Variants in EXD3 observed in about 807,000 individuals in gnomAD.
The protein encoded by EXD3 is exonuclease 3'-5' domain containing 3.
Under a neutral mutation model 98.0 loss-of-function variants are expected in EXD3, and 92 were observed. The ratio of observed to expected loss-of-function variants is 0.94; its 90% confidence interval spans 0.79 to 1.12. The LOEUF is 1.12. EXD3 is among the 50% of genes most tolerant of loss of function. The pLI is 0.00. For synonymous variants in EXD3, 569 were observed against 526.0 expected (o/e 1.08, Z -1.12); for missense variants, 1,222 against 1,191.6 (o/e 1.03, Z -0.38).
At chr9:137,421,417 T>C (rs1372912934) in intron 1 of EXD3, among the ~76,000 whole-genome samples, 1 of 152,168 alleles carries the variant, frequency 6.6e-6, no homozygotes. Context: ...AATGGGGAAG[T>C]AGAGAAAAAT....
chr9:137,369,181 G>A (rs2131668487), intron 5 of EXD3, among the ~76,000 whole-genome samples: 1 of 148,728 alleles, frequency 6.7e-6, no homozygotes, highest in African/African-American at 2.5e-5. Flanking sequence ...GGGGCGCAGG[G>A]CCGGGGAGGG....
intron 8 of EXD3, among the ~76,000 whole-genome samples, chr9:137,355,498 A>ACCT (rs1564508308): frequency 1.1e-5 from 1 of 94,224 alleles, no homozygotes; most frequent in Non-Finnish European, 2.2e-5. Flanking sequence ...AGGATGGAGG[A>ACCT]AGGAGGAAGG....
intron 2 of EXD3, among the ~76,000 whole-genome samples, chr9:137,387,967 A>G (rs1170392283): frequency 6.6e-6 from 1 of 152,234 alleles, no homozygotes. Flanking sequence ...GCTGAGACAG[A>G]TGGCCCTGGC....
chr9:137,349,548 C>T lies in EXD3; in HGVS notation c.1495-17G>A. 1 of 1,557,092 alleles carries T rather than the reference C, an allele frequency of 6.4e-7. No homozygotes were observed. Among genetic ancestry groups the T allele is most frequent in the Non-Finnish European group, 8.7e-7 (1 of 1,152,166 alleles). On this transcript the variant is annotated splice_polypyrimidine_tract_variant and intron_variant, in intron 14 of 21. Transcript: ENST00000340951. The surrounding 1 kb of genome is among the most constrained non-coding windows in gnomAD (Gnocchi z 7.4). The stretch of plus-strand genomic sequence containing the variant: ...CACCCGCATCTGCTAAGACAGTGCC[C>T]TGCAGGGTAACGCGTCTGGCCCTGG...
intron 6 of EXD3, 129 bp from the exon 7 acceptor site, chr9:137,366,761 T>C: frequency 8.2e-7 from 1 of 1,216,564 alleles, no homozygotes; most frequent in Non-Finnish European, 1.1e-6. Context: ...GGCCCAGCAG[T>C]GCTCGCCCGG....
At chr9:137,355,434 ATGG>A (rs1834592096) in intron 8 of EXD3, among the ~76,000 whole-genome samples, 7 of 123,884 alleles carry the variant, frequency 5.7e-5, no homozygotes, top group African/African-American at 1.1e-4. Flanking sequence ...AGGAAGGAGG[ATGG>A]AGGAAGGGAG....
intron 8 of EXD3, among the ~76,000 whole-genome samples, chr9:137,355,469 G>GAAGGAGA (rs1564508090): frequency 4.3e-5 from 5 of 116,998 alleles, no homozygotes; most frequent in South Asian, 2.4e-4. Context: ...GAGAAAGGAG[G>GAAGGAGA]AAGGAGGAAG....
At chr9:137,370,820 G>T (rs1835553544) in intron 5 of EXD3, among the ~76,000 whole-genome samples, 1 of 142,550 alleles carries the variant, frequency 7.0e-6, no homozygotes, top group Non-Finnish European at 1.5e-5. Flanking sequence ...TTAAAGCAAA[G>T]CTATCTTTTT....
chr9:137,383,567 G>A (rs1165451876), intron 2 of EXD3, among the ~76,000 whole-genome samples, 190 bp from the exon 3 acceptor site: 1 of 152,166 alleles, frequency 6.6e-6, no homozygotes, highest in African/African-American at 2.4e-5. Context: ...CACCCACCCT[G>A]TTCCTTCCCT....
At chr9:137,417,223 C>T (rs975874693) in intron 1 of EXD3, among the ~76,000 whole-genome samples, 1 of 152,314 alleles carries the variant, frequency 6.6e-6, no homozygotes, top group Non-Finnish European at 1.5e-5. Flanking sequence ...ACAGAGGACG[C>T]GGCCACGGAC....
chr9:137,383,221 G>A (rs1836407126), intron 3 of EXD3, 92 bp downstream of exon 3: 3 of 1,091,504 alleles, frequency 2.7e-6, no homozygotes, highest in Non-Finnish European at 2.7e-6. Flanking sequence ...GCAGCTTCCT[G>A]ACCAGGGAGG....
Position 137,348,057 on chromosome 9 carries a change from C to G in EXD3, c.1998+14G>C. The G allele has an allele frequency of 6.2e-7, 1 of 1,607,360 alleles. No individual in the cohort carries two copies. ...CACCTTGGGAGGACCCCAAGACCCT[C>G]CCCGCAAACTCACCTCGGCCGCCCT... On this transcript the variant is annotated intron_variant, in intron 17 of 21. Transcript: ENST00000340951.
At chr9:137,378,894 C>G (rs1236154211) in intron 3 of EXD3, among the ~76,000 whole-genome samples, 4 of 138,238 alleles carry the variant, frequency 2.9e-5, no homozygotes, top group African/African-American at 1.1e-4. Flanking sequence ...TGACGGTGAC[C>G]GTTGCCTGGG....
In EXD3 at chr9:137,395,669, G is replaced by C. The variant is rs73668261; in HGVS notation, c.-47-265C>G. On this transcript the variant is annotated intron_variant, in intron 1 of 21. Transcript: ENST00000340951. This position sits in a 1 kb window ranked among gnomAD's most constrained non-coding sequence, Gnocchi z 6.5. Reference sequence around the variant, plus strand: ...AGGGCAGGGGGTGGGAGGGGCCCTGGGGGGGGGCACAGTAGACAGACCCTC... The same window carrying C: ...AGGGCAGGGGGTGGGAGGGGCCCTGCGGGGGGGCACAGTAGACAGACCCTC... Among the ~76,000 whole-genome samples the C allele has an allele frequency of 6.6e-6, 1 of 151,920 alleles. No homozygotes were observed. The highest frequency in any genetic ancestry group is 2.1e-4 in the South Asian group (1 of 4,816).
In EXD3 at chr9:137,385,836, G is replaced by C. The variant is rs1836566046; in HGVS notation, c.56-2459C>G. ...GGCGTGAGCCACCGCGCCCAGCCCA[G>C]ATTTTCTTTTAAAGCAGAGTTTCAG... is the stretch of plus-strand genomic sequence containing the variant. On this transcript the variant is annotated intron_variant, in intron 2 of 21. Transcript: ENST00000340951. This position sits in a 1 kb window ranked among gnomAD's most constrained non-coding sequence, Gnocchi z 4.4. Among the ~76,000 whole-genome samples the C allele has an allele frequency of 6.6e-6, 1 of 151,608 alleles. No individual in the cohort carries two copies. The highest frequency in any genetic ancestry group is 2.4e-5 in the African/African-American group (1 of 41,306).
At position 137,393,600 on chromosome 9, in the gene EXD3, A is replaced by G. The variant is rs969889846; in HGVS notation, c.55+1703T>C. 6.6e-6 allele frequency among the ~76,000 whole-genome samples: 1 copy of G among 152,206 alleles called. No individual in the cohort carries two copies. Among genetic ancestry groups the G allele is most frequent in the Admixed American group, 6.5e-5 (1 of 15,288 alleles). ...GGTGCCCCCACAGCCCTCAGCACCC[A>G]CTGGGACACAGAAGAGGAAGGCAGA... is the stretch of plus-strand genomic sequence containing the variant. On this transcript the variant is annotated intron_variant, in intron 2 of 21. Transcript: ENST00000340951. The surrounding 1 kb of genome is among the most constrained non-coding windows in gnomAD (Gnocchi z 4.6).
intron 12 of EXD3, among the ~76,000 whole-genome samples, chr9:137,351,804 C>T (rs967893681): frequency 6.6e-6 from 1 of 152,230 alleles, no homozygotes; most frequent in Non-Finnish European, 1.5e-5. Flanking sequence ...AGGCACCCCA[C>T]GTCTCGGGCA....
chr9:137,351,328 G>C lies in EXD3; in HGVS notation c.1374C>G (p.Ile458Met). The change falls in exon 13 of 22, where the codon ATC (isoleucine) becomes ATG (methionine). Residue 458 changes from isoleucine to methionine, a missense_variant. Coordinates refer to ENST00000340951, the MANE Select transcript of EXD3 (RefSeq NM_017820.5). Reference protein sequence around the residue: ...LVAQLLSDPSITKLGYGMVGD... With the variant: ...LVAQLLSDPSMTKLGYGMVGD... ...CAGGGCTTCACTCACCCAGCTTGGT[G>C]ATAGAGGGGTCCGAGAGGAGCTGGG... The C allele has an allele frequency of 6.2e-7, 1 of 1,611,516 alleles. No individual in the cohort carries two copies. The highest frequency in any genetic ancestry group is 8.5e-7 in the Non-Finnish European group (1 of 1,179,486).
chr9:137,350,402 G>A (rs1260315228), intron 14 of EXD3, among the ~76,000 whole-genome samples: 1 of 88,392 alleles, frequency 1.1e-5, no homozygotes, highest in African/African-American at 4.5e-5. Flanking sequence ...ACGGGGAGGG[G>A]TTAGATAGAG....
Sources: gnomAD v4.1 joint callset for allele counts (sites outside exome capture counted in the v4.1 genomes callset) on GRCh38, gnomAD v4.1.1 for gene constraint, Gnocchi (gnomAD v3.1) non-coding constraint, MANE v1.5 for transcripts, NCBI Gene and HGNC (gene_info 2026-07-23, HGNC 2026-07-21) for gene names.